PTPRT: variants seen among roughly 807,000 people sequenced by gnomAD.
PTPRT encodes protein tyrosine phosphatase receptor type T, also known as receptor-type tyrosine-protein phosphatase T.
In PTPRT, 56 loss-of-function variants were observed where a neutral mutation model predicts 176.8. The observed-to-expected ratio is 0.32, with a 90% CI of 0.26 to 0.40. The LOEUF (loss-of-function observed/expected upper bound fraction) is 0.40, where lower values mean the gene tolerates loss of function less well. Among genes scored for constraint, PTPRT ranks in the 10% least tolerant of loss-of-function variants. The probability of loss-of-function intolerance (pLI) is 1.00; values close to 1 mark genes in which losing one functional copy is unlikely to be tolerated. For synonymous variants in PTPRT, 783 were observed against 739.0 expected, an observed-to-expected ratio of 1.06 and a Z score of -0.96; for missense variants, 1,540 against 1,908.2, an observed-to-expected ratio of 0.81 and a Z score of 3.60.
intron 9 of PTPRT, among the ~76,000 whole-genome samples, chr20:42,371,592 A>G (rs2058587838): frequency 6.6e-6 from 1 of 152,216 alleles, no homozygotes; most frequent in Non-Finnish European, 1.5e-5. Context: ...CACCTAAAAC[A>G]AAGAGTAGAT....
chr20:42,638,997 T>G (rs1037174657), intron 7 of PTPRT, among the ~76,000 whole-genome samples: 1 of 152,096 alleles, frequency 6.6e-6, no homozygotes, highest in Admixed American at 6.6e-5. Flanking sequence ...ATTATAAGGT[T>G]TCAGATAGAT....
At chr20:42,402,026 C>T (rs1416214367) in intron 9 of PTPRT, among the ~76,000 whole-genome samples, 2 of 152,138 alleles carry the variant, frequency 1.3e-5, no homozygotes, top group Non-Finnish European at 2.9e-5. Flanking sequence ...TTGGTTCGCT[C>T]TGATTCTAAT....
intron 2 of PTPRT, among the ~76,000 whole-genome samples, chr20:42,852,517 T>C (rs1393243530): frequency 1.3e-5 from 2 of 152,186 alleles, no homozygotes; most frequent in Admixed American, 1.3e-4. Flanking sequence ...GCCAATGGGT[T>C]CTTCTTTGAT....
chr20:42,852,658 G>T (rs1195967027), intron 2 of PTPRT, among the ~76,000 whole-genome samples: 2 of 152,054 alleles, frequency 1.3e-5, no homozygotes, highest in Non-Finnish European at 2.9e-5. Flanking sequence ...TCATCCTAGA[G>T]ATACAGCCTT....
intron 24 of PTPRT, 118 bp from the exon 25 acceptor site, chr20:42,104,836 G>T: frequency 8.8e-7 from 1 of 1,135,302 alleles, no homozygotes; most frequent in Admixed American, 2.8e-5. Context: ...ATATATTACA[G>T]GATCCTTACT....
chr20:42,739,640 A>G (rs999156792), intron 6 of PTPRT, among the ~76,000 whole-genome samples: 3 of 152,238 alleles, frequency 2.0e-5, no homozygotes, highest in Non-Finnish European at 4.4e-5. Context: ...TGAAATAGAC[A>G]TAGATAACAC....
At chr20:42,706,434 A>T (rs941760012) in intron 6 of PTPRT, among the ~76,000 whole-genome samples, 1 of 151,824 alleles carries the variant, frequency 6.6e-6, no homozygotes, top group Non-Finnish European at 1.5e-5. Flanking sequence ...GGCCTTGATT[A>T]GTGGATGTAC....
intron 7 of PTPRT, among the ~76,000 whole-genome samples, chr20:42,528,255 G>C (rs1417399725): frequency 2.6e-5 from 4 of 151,850 alleles, no homozygotes; most frequent in African/African-American, 7.3e-5. Flanking sequence ...TCATTTATTT[G>C]GGTAGCTTTC....
intron 2 of PTPRT, among the ~76,000 whole-genome samples, chr20:42,858,481 G>A (rs1022763803): frequency 6.6e-6 from 1 of 152,154 alleles, no homozygotes; most frequent in Non-Finnish European, 1.5e-5. Flanking sequence ...CCAAGGTGAT[G>A]GTATTAAGCG....
chr20:42,275,478 G>T (rs1023833542), intron 13 of PTPRT, among the ~76,000 whole-genome samples: 11 of 152,098 alleles, frequency 7.2e-5, no homozygotes, highest in Admixed American at 3.3e-4. Context: ...AACTCCCAAG[G>T]TACATGCTTG....
intron 9 of PTPRT, among the ~76,000 whole-genome samples, chr20:42,368,892 G>A (rs554892660): frequency 6.6e-6 from 1 of 152,144 alleles, no homozygotes; most frequent in Non-Finnish European, 1.5e-5. Flanking sequence ...CCTCAGAGGG[G>A]GTTATACAGT....
intron 16 of PTPRT, among the ~76,000 whole-genome samples, chr20:42,197,212 G>A (rs532841488): frequency 4.6e-5 from 7 of 151,446 alleles, no homozygotes; most frequent in East Asian, 3.9e-4. Context: ...ACCCCGTCTC[G>A]ACTAAAAATA....
At chr20:42,608,995 A>G (rs559836926) in intron 7 of PTPRT, among the ~76,000 whole-genome samples, 36 of 152,164 alleles carry the variant, frequency 2.4e-4, no homozygotes, top group Non-Finnish European at 4.7e-4. Flanking sequence ...GGTTTGGTAT[A>G]GGATTGAGTT....
chr20:42,599,767 T>C (rs2073743188), intron 7 of PTPRT, among the ~76,000 whole-genome samples: 1 of 152,170 alleles, frequency 6.6e-6, no homozygotes. Flanking sequence ...CTCTGGGCAT[T>C]AATTTTACAT....
chr20:42,067,519 A>G, the PTPRT span, among the ~76,000 whole-genome samples: 3 of 152,060 alleles, frequency 2.0e-5, no homozygotes, highest in African/African-American at 7.2e-5. Flanking sequence ...CTTGCACCCT[A>G]TGCTAGGGCT....
intron 1 of PTPRT, among the ~76,000 whole-genome samples, chr20:43,135,388 G>A (rs1243638570): frequency 6.6e-6 from 1 of 152,178 alleles, no homozygotes; most frequent in Admixed American, 6.5e-5. Context: ...GGGAAAAAAA[G>A]GAACAGATCA....
At chr20:42,976,345 T>A (rs1982948428) in intron 1 of PTPRT, among the ~76,000 whole-genome samples, 2 of 152,028 alleles carry the variant, frequency 1.3e-5, no homozygotes. Flanking sequence ...TCCCTTAAAA[T>A]CCTAGAAAGA....
intron 16 of PTPRT, among the ~76,000 whole-genome samples, chr20:42,166,533 GC>G (rs1989832027): frequency 6.6e-6 from 1 of 151,856 alleles, no homozygotes; most frequent in Admixed American, 6.6e-5. Context: ...TTTTAACTTT[GC>G]CTCATTATGA....
At chr20:42,608,723 C>G (rs1184579562) in intron 7 of PTPRT, among the ~76,000 whole-genome samples, 1 of 152,162 alleles carries the variant, frequency 6.6e-6, no homozygotes, top group African/African-American at 2.4e-5. Flanking sequence ...GGCACTGTCA[C>G]CTGGAGCACG....
Sources: allele counts gnomAD v4.1 joint callset (sites outside exome capture counted in the v4.1 genomes callset), GRCh38; gene constraint gnomAD v4.1.1; transcripts MANE v1.5; gene names NCBI Gene and HGNC (gene_info 2026-07-23, HGNC 2026-07-21).